The following SMAD7 variants were observed in gnomAD, a reference collection of about 807,000 sequenced individuals.
SMAD7 encodes SMAD family member 7, also known as MAD (mothers against decapentaplegic, Drosophila) homolog 7.
Under a neutral mutation model 38.7 loss-of-function variants are expected in SMAD7, and 8 were observed. The ratio of observed to expected loss-of-function variants is 0.21; its 90% CI spans 0.12 to 0.37. The LOEUF is 0.37. SMAD7 is among the 10% of genes least tolerant of loss of function. The pLI, the probability that SMAD7 is intolerant of heterozygous loss-of-function variation, is 1.00. For synonymous variants in SMAD7, 327 were observed against 265.1 expected (o/e 1.23, Z -2.27); for missense variants, 477 against 577.9 (o/e 0.83, Z 1.79).
chr18:48,936,586 C>G (rs1599228934), intron 3 of SMAD7, among the ~76,000 whole-genome samples: 1 of 152,198 alleles, frequency 6.6e-6, no homozygotes, highest in African/African-American at 2.4e-5. Flanking sequence ...AGAAAGTTAT[C>G]TGGGAAGCTG....
chr18:48,932,604 CT>C (rs1380717056), intron 3 of SMAD7, among the ~76,000 whole-genome samples: 4 of 152,150 alleles, frequency 2.6e-5, no homozygotes, highest in Admixed American at 1.3e-4. Flanking sequence ...AATTAGTGAA[CT>C]CCACAGAGCT....
At chr18:48,942,788 G>A (rs1420611020) in intron 2 of SMAD7, 14 of 1,368,248 alleles carry the variant, frequency 1.0e-5, no homozygotes, top group Middle Eastern at 1.9e-4. Flanking sequence ...ATCATTACTC[G>A]AGTCAGGCTC....
Position 48,930,758 on chromosome 18 carries a change from C to T in SMAD7, c.743-8848G>A, listed in dbSNP as rs111946704. Among the ~76,000 whole-genome samples, 1,221 of 152,328 alleles carry T rather than the reference C, an allele frequency of 8.0e-3. 9 individuals are homozygous for T. The highest frequency in any genetic ancestry group is 0.026 in the African/African-American group (1,068 of 41,568). On this transcript the variant is annotated intron_variant, in intron 3 of 3. Coordinates refer to ENST00000262158, the MANE Select transcript of SMAD7 (RefSeq NM_005904.4). The stretch of plus-strand genomic sequence containing the variant: ...CAAGTCAAGGAGGCCCTACCGTTGG[C>T]GATGCCTTAAAAAATTAAACACAGA...
At chr18:48,942,978 A>C (rs1279969365) in intron 2 of SMAD7, among the ~76,000 whole-genome samples, 1 of 152,168 alleles carries the variant, frequency 6.6e-6, no homozygotes, top group Non-Finnish European at 1.5e-5. Flanking sequence ...CATCCTTTTA[A>C]AGACAGGTTT....
chr18:48,948,570 G>A (rs185103562), intron 1 of SMAD7, 133 bp from the exon 2 acceptor site: 1 of 579,116 alleles, frequency 1.7e-6, no homozygotes, highest in East Asian at 3.6e-5. Context: ...GCCGCGAGGC[G>A]GTGATTGCCT....
At chr18:48,934,453 C>A (rs971277601) in intron 3 of SMAD7, among the ~76,000 whole-genome samples, 1 of 147,452 alleles carries the variant, frequency 6.8e-6, no homozygotes, top group Non-Finnish European at 1.5e-5. Flanking sequence ...TACCCCCCAT[C>A]AAAAAAAAAA....
At chr18:48,942,233 A>T (rs2070148337) in intron 3 of SMAD7, among the ~76,000 whole-genome samples, 1 of 152,152 alleles carries the variant, frequency 6.6e-6, no homozygotes, top group African/African-American at 2.4e-5. Context: ...CACACACCAA[A>T]GCAATCCCCA....
chr18:48,942,746 T>G, intron 2 of SMAD7, 191 bp from the exon 3 acceptor site: 1 of 1,444,970 alleles, frequency 6.9e-7, no homozygotes, highest in South Asian at 1.4e-5. Flanking sequence ...CACAGCACCT[T>G]GTCACCCGTC....
chr18:48,949,688 A>T (rs988623498), intron 1 of SMAD7, 124 bp downstream of exon 1: 8 of 1,067,598 alleles, frequency 7.5e-6, no homozygotes, highest in South Asian at 5.5e-5. Flanking sequence ...GGGTATGCAC[A>T]CTCTCCCAGG....
intron 3 of SMAD7, among the ~76,000 whole-genome samples, chr18:48,935,706 C>G (rs2070056403): frequency 6.6e-6 from 1 of 152,180 alleles, no homozygotes; most frequent in African/African-American, 2.4e-5. Flanking sequence ...GGGAACTTTC[C>G]TGTCTCTCAT....
intron 3 of SMAD7, 147 bp from the exon 4 acceptor site, chr18:48,922,057 C>A (rs543458974): frequency 6.3e-5 from 41 of 655,716 alleles, no homozygotes; most frequent in African/African-American, 3.8e-4. Context: ...TAGTCCTGGA[C>A]TTGCCCAGGC....
chr18:48,945,992 G>T (rs2070190757), intron 2 of SMAD7, among the ~76,000 whole-genome samples: 1 of 152,178 alleles, frequency 6.6e-6, no homozygotes, highest in African/African-American at 2.4e-5. Flanking sequence ...GGACCACACA[G>T]TACCTAGGTG....
At chr18:48,928,798 C>G (rs190892435) in intron 3 of SMAD7, among the ~76,000 whole-genome samples, 1 of 152,182 alleles carries the variant, frequency 6.6e-6, no homozygotes, top group Non-Finnish European at 1.5e-5. Flanking sequence ...GAGTCTGAAG[C>G]CCCCAACCTG....
chr18:48,921,201 G>A lies in SMAD7; in HGVS notation c.*171C>T, dbSNP rs878890171. 2.8e-5 allele frequency: 17 copies of A among 602,358 alleles called. No individual in the cohort carries two copies. The highest frequency in any genetic ancestry group is 3.8e-5 in the African/African-American group (2 of 53,298). The allele number at this position is 602,358 out of a possible 1,614,324, so 37.3% of individuals were successfully genotyped here. The stretch of plus-strand genomic sequence containing the variant: ...TTTCATAAGCTATTTCTCAAAGAGC[G>A]AAACAAAACAGAACACAAACGAGGA... On this transcript the variant is annotated 3_prime_UTR_variant, in exon 4 of 4. Coordinates refer to ENST00000262158, the MANE Select transcript of SMAD7 (RefSeq NM_005904.4). This position sits in a 1 kb window ranked among gnomAD's most constrained non-coding sequence, Gnocchi z 6.4.
At chr18:48,938,376 T>A (rs971126734) in intron 3 of SMAD7, among the ~76,000 whole-genome samples, 1 of 152,190 alleles carries the variant, frequency 6.6e-6, no homozygotes, top group African/African-American at 2.4e-5. Flanking sequence ...CCAACAAGCA[T>A]GACTTCGCAC....
At chr18:48,926,219 G>A (rs536828955) in intron 3 of SMAD7, among the ~76,000 whole-genome samples, 17 of 152,302 alleles carry the variant, frequency 1.1e-4, no homozygotes, top group African/African-American at 3.9e-4. Context: ...ACACGGGCAC[G>A]CGTGGAAGAG....
rs1328219359 is a variant in SMAD7 at position 48,921,620 on chromosome 18, C to T, written c.1033G>A (p.Ala345Thr). 3 of 1,612,844 alleles carry T rather than the reference C, an allele frequency of 1.9e-6. No homozygotes were observed. Among genetic ancestry groups the T allele is most frequent in the Admixed American group, 1.7e-5 (1 of 59,986 alleles). Residue 345 changes from alanine to threonine, a missense_variant, in exon 4 of 4, where the codon GCC (alanine) becomes ACC (threonine). This residue lies in a region of SMAD7 where 101 missense variants were observed against 198.5 expected (regional missense o/e 0.51). Transcript: ENST00000262158. This position sits in a 1 kb window ranked among gnomAD's most constrained non-coding sequence, Gnocchi z 6.4. The part of the protein sequence containing the change: ...RSSYPIFIKS[A>T]TLDNPDSRTL... Reference sequence around the variant, plus strand: ...CTGGAGTCCGGGTTGTCCAGTGTGGCGGACTTGATGAAGATGGGGTAACTG... The same window carrying T: ...CTGGAGTCCGGGTTGTCCAGTGTGGTGGACTTGATGAAGATGGGGTAACTG...
intron 3 of SMAD7, among the ~76,000 whole-genome samples, chr18:48,929,844 A>G (rs2069975417): frequency 6.6e-6 from 1 of 151,846 alleles, no homozygotes; most frequent in Non-Finnish European, 1.5e-5. Flanking sequence ...CTCCCACCCT[A>G]TCCCCCACAG....
At chr18:48,937,264 A>ATGTGTG (rs71165354) in intron 3 of SMAD7, among the ~76,000 whole-genome samples, 11,027 of 119,684 alleles carry the variant, frequency 0.092, 847 homozygotes, top group African/African-American at 0.16. Context: ...AAGTAAAGGC[A>ATGTGTG]TGTGTGTGTG....
Sources: allele counts gnomAD v4.1 joint callset (sites outside exome capture counted in the v4.1 genomes callset), GRCh38; gene constraint gnomAD v4.1.1; regional missense constraint gnomAD v4.1.1; non-coding constraint Gnocchi (gnomAD v3.1); transcripts MANE v1.5; gene names NCBI Gene and HGNC (gene_info 2026-07-23, HGNC 2026-07-21).